Variants in RBFOX3 observed in about 807,000 individuals in gnomAD.
The protein encoded by RBFOX3 is RNA binding protein fox-1 homolog 3.
In RBFOX3, 17 loss-of-function variants were observed where a neutral mutation model predicts 48.7. The observed-to-expected ratio is 0.35, with a 90% CI of 0.24 to 0.52. The LOEUF (loss-of-function observed/expected upper bound fraction) is 0.52, where lower values mean the gene tolerates loss of function less well. Ranked by LOEUF, RBFOX3 falls within the 20% of genes least tolerant of loss-of-function variation. RBFOX3 has a pLI of 0.94. For synonymous variants in RBFOX3, 212 were observed against 209.5 expected (o/e 1.01, Z -0.10); for missense variants, 382 against 497.5 (o/e 0.77, Z 2.21).
At position 79,214,230 on chromosome 17, in the gene RBFOX3, C is replaced by T. The variant is rs915454808; in HGVS notation, c.-34+21536G>A. Among the ~76,000 whole-genome samples, 8 of 152,180 alleles carry T rather than the reference C, an allele frequency of 5.3e-5. No individual in the cohort carries two copies. Among genetic ancestry groups the T allele is most frequent in the African/African-American group, 4.8e-5 (2 of 41,428 alleles). On this transcript the variant is annotated intron_variant, in intron 4 of 14. Coordinates refer to ENST00000693108, the MANE Select transcript of RBFOX3 (RefSeq NM_001350451.2). The surrounding 1 kb of genome is among the most constrained non-coding windows in gnomAD (Gnocchi z 4.7). ...TAAAGTCGGCCTCTCCAGCAACGCA[C>T]GGAGCTATCTCACTTACAACGTGAA...
At chr17:79,276,803 G>C (rs2068954671) in intron 3 of RBFOX3, among the ~76,000 whole-genome samples, 1 of 152,224 alleles carries the variant, frequency 6.6e-6, no homozygotes, top group Non-Finnish European at 1.5e-5. Flanking sequence ...CACGTGCATT[G>C]ATTCAGCCAA....
chr17:79,470,681 T>C (rs2076956763), intron 2 of RBFOX3, among the ~76,000 whole-genome samples: 1 of 142,942 alleles, frequency 7.0e-6, no homozygotes, highest in African/African-American at 3.0e-5. Context: ...AAGTATCCGT[T>C]CTAGCCAAAG....
the RBFOX3 span, among the ~76,000 whole-genome samples, chr17:79,638,381 T>C: frequency 6.8e-6 from 1 of 146,586 alleles, no homozygotes; most frequent in South Asian, 2.2e-4. Flanking sequence ...CTCAAATAAA[T>C]AAAGTCAGAA....
chr17:79,636,852 A>T, the RBFOX3 span, among the ~76,000 whole-genome samples: 7 of 152,180 alleles, frequency 4.6e-5, no homozygotes, highest in Admixed American at 4.6e-4. Flanking sequence ...AAATTCTCCA[A>T]ACATAAGATG....
chr17:79,512,819 AC>A (rs2084602880), intron 1 of RBFOX3, among the ~76,000 whole-genome samples: 1 of 148,960 alleles, frequency 6.7e-6, no homozygotes, highest in Non-Finnish European at 1.5e-5. Flanking sequence ...GGGGACGCAC[AC>A]CCGGATACGT....
At chr17:79,240,045 C>T (rs561753388) in intron 3 of RBFOX3, among the ~76,000 whole-genome samples, 24 of 152,318 alleles carry the variant, frequency 1.6e-4, no homozygotes, top group African/African-American at 5.3e-4. Flanking sequence ...CCTCCAAAGA[C>T]GAGTTCCTTG....
intron 1 of RBFOX3, among the ~76,000 whole-genome samples, chr17:79,519,045 G>A (rs1256113490): frequency 1.3e-5 from 2 of 152,302 alleles, no homozygotes; most frequent in East Asian, 1.9e-4. Context: ...GAGAAGCCCG[G>A]GGCTGGCAGC....
intron 5 of RBFOX3, among the ~76,000 whole-genome samples, chr17:79,108,758 G>T (rs530225931): frequency 1.3e-5 from 2 of 152,314 alleles, no homozygotes; most frequent in South Asian, 4.2e-4. Flanking sequence ...AGCAGGTGCC[G>T]CTAGGTGACC....
At chr17:79,137,367 C>T (rs1278868627) in intron 4 of RBFOX3, among the ~76,000 whole-genome samples, 2 of 152,224 alleles carry the variant, frequency 1.3e-5, no homozygotes, top group African/African-American at 2.4e-5. Context: ...GAGCACCCTC[C>T]AACCCCCAGG....
chr17:79,126,713 G>C (rs1291724530), intron 4 of RBFOX3, among the ~76,000 whole-genome samples: 1 of 152,182 alleles, frequency 6.6e-6, no homozygotes, highest in African/African-American at 2.4e-5. Flanking sequence ...AGAACAGGTA[G>C]TTTCTGCAGG....
intron 3 of RBFOX3, among the ~76,000 whole-genome samples, chr17:79,275,729 A>G (rs1413614321): frequency 6.6e-6 from 1 of 151,986 alleles, no homozygotes; most frequent in East Asian, 1.9e-4. Context: ...CCATACTAAC[A>G]CTGTGTGGTC....
At chr17:79,187,951 G>T (rs2053751169) in intron 4 of RBFOX3, among the ~76,000 whole-genome samples, 1 of 152,190 alleles carries the variant, frequency 6.6e-6, no homozygotes, top group Non-Finnish European at 1.5e-5. Context: ...TTAAAAAAAT[G>T]TAGAAATTCT....
chr17:79,092,707 AG>A (rs2074185651), intron 14 of RBFOX3: 5 of 821,188 alleles, frequency 6.1e-6, no homozygotes, highest in Non-Finnish European at 7.2e-6. Context: ...AAAAGCAAAA[AG>A]AAAAAAAAAA....
chr17:79,149,571 G>C, intron 4 of RBFOX3, among the ~76,000 whole-genome samples: 1 of 152,044 alleles, frequency 6.6e-6, no homozygotes, highest in East Asian at 1.9e-4. Context: ...TGCCTGGGGG[G>C]GTCCGTGGAC....
chr17:79,620,465 GCA>G, the RBFOX3 span, among the ~76,000 whole-genome samples: 8 of 133,800 alleles, frequency 6.0e-5, no homozygotes, highest in Admixed American at 5.9e-4. Flanking sequence ...GCACACACAT[GCA>G]CACGTGCACA....
At chr17:79,615,141 C>G (rs1407748456), upstream of RBFOX3, among the ~76,000 whole-genome samples, 15 of 152,074 alleles carry the variant, frequency 9.9e-5, no homozygotes, top group African/African-American at 3.4e-4. Flanking sequence ...GAATTCTCAA[C>G]ACAAAGAGGG....
chr17:79,558,520 C>G (rs1333982560), intron 1 of RBFOX3, among the ~76,000 whole-genome samples: 1 of 152,118 alleles, frequency 6.6e-6, no homozygotes, highest in Non-Finnish European at 1.5e-5. Context: ...CACTTCCCGG[C>G]TGCCCAGGAG....
chr17:79,343,474 AC>A (rs1465928679), intron 2 of RBFOX3, among the ~76,000 whole-genome samples: 1 of 152,082 alleles, frequency 6.6e-6, no homozygotes, highest in Non-Finnish European at 1.5e-5. Flanking sequence ...CCGAGATTGC[AC>A]CACTGCACTC....
At chr17:79,536,709 G>A (rs2088824073) in intron 1 of RBFOX3, among the ~76,000 whole-genome samples, 1 of 152,270 alleles carries the variant, frequency 6.6e-6, no homozygotes, top group South Asian at 2.1e-4. Flanking sequence ...CTCTAACAGA[G>A]GCAGGACAGT....
Sources: gnomAD v4.1 joint callset for allele counts (sites outside exome capture counted in the v4.1 genomes callset) on GRCh38, gnomAD v4.1.1 for gene constraint, Gnocchi (gnomAD v3.1) non-coding constraint, MANE v1.5 for transcripts, NCBI Gene and HGNC (gene_info 2026-07-23, HGNC 2026-07-21) for gene names.